Variants in VGLL3 observed in about 807,000 individuals in gnomAD.
VGLL3 encodes the protein transcription cofactor vestigial-like protein 3.
VGLL3 carries 18 observed loss-of-function variants against 29.2 expected under a neutral mutation model. That is an observed-to-expected ratio of 0.62 (90% CI 0.43 to 0.91). The LOEUF is 0.91. Among genes scored for constraint, VGLL3 ranks in the 40% least tolerant of loss-of-function variants. The pLI is 0.00. For missense variants in VGLL3, 440 were observed against 413.2 expected (o/e 1.06, Z -0.56); for synonymous variants, 180 against 151.8 (o/e 1.19, Z -1.36).
At chr3:86,973,021 T>G (rs1166120562) in intron 2 of VGLL3, among the ~76,000 whole-genome samples, 1 of 152,040 alleles carries the variant, frequency 6.6e-6, no homozygotes, top group African/African-American at 2.4e-5. Context: ...TTCTTTCAAT[T>G]TCACAATAGT....
At chr3:86,957,913 A>T (rs1467005450) in intron 3 of VGLL3, among the ~76,000 whole-genome samples, 1 of 151,712 alleles carries the variant, frequency 6.6e-6, no homozygotes, top group East Asian at 1.9e-4. Flanking sequence ...TCCTCCTCAA[A>T]CTCCTATTAG....
At chr3:86,984,000 T>C (rs1705384655) in intron 1 of VGLL3, among the ~76,000 whole-genome samples, 1 of 152,186 alleles carries the variant, frequency 6.6e-6, no homozygotes, top group Non-Finnish European at 1.5e-5. Flanking sequence ...AAAATGTGTC[T>C]CTACGATATT....
At position 86,944,521 on chromosome 3, in the gene VGLL3, G is replaced by C. The variant is rs1246921910; in HGVS notation, c.*2503C>G. The C allele has an allele frequency of 6.6e-6, 1 of 152,428 alleles. No individual in the cohort carries two copies. Among genetic ancestry groups the C allele is most frequent in the African/African-American group, 2.4e-5 (1 of 41,420 alleles). 9.4% of individuals were successfully genotyped at this position (152,428 alleles called of 1,614,324 possible). On this transcript the variant is annotated 3_prime_UTR_variant, in exon 4 of 4. Coordinates refer to ENST00000398399, the MANE Select transcript of VGLL3 (RefSeq NM_016206.4). ...GAGCCTCTGCCTCCTATAATACTAG[G>C]ATTACAGGCATGAGCTGCTGTGCCC...
At chr3:86,972,485 T>C (rs909943579) in intron 2 of VGLL3, among the ~76,000 whole-genome samples, 9 of 152,166 alleles carry the variant, frequency 5.9e-5, no homozygotes, top group African/African-American at 2.2e-4. Context: ...CTTGCTTGTT[T>C]AAGAAAAAAA....
Position 86,968,920 on chromosome 3 carries a change from C to A in VGLL3, c.607G>T (p.Val203Leu). ...AAAGGATAAGGCCAGGACTCAGACA[C>A]AGCAGGGGGAGGGGCTGGGCCAGTC... The part of the protein sequence containing the change: ...HQTGPAPPPA[V>L]SESWPYPLTS... The change falls in exon 3 of 4, where the codon GTG (valine) becomes TTG (leucine). Residue 203 changes from valine to leucine, a missense_variant. Val to Leu is a conservative substitution (Grantham distance 32). Coordinates refer to ENST00000398399, the MANE Select transcript of VGLL3 (RefSeq NM_016206.4). 1 of 1,614,132 alleles carries A rather than the reference C, an allele frequency of 6.2e-7. No homozygotes were observed. Among genetic ancestry groups the A allele is most frequent in the Non-Finnish European group, 8.5e-7 (1 of 1,180,038 alleles).
At chr3:86,950,274 C>T (rs1327437128) in intron 3 of VGLL3, among the ~76,000 whole-genome samples, 1 of 152,112 alleles carries the variant, frequency 6.6e-6, no homozygotes, top group African/African-American at 2.4e-5. Context: ...ATGAAGTGAC[C>T]TAACATTTTC....
At chr3:86,954,903 A>C (rs1704686734) in intron 3 of VGLL3, among the ~76,000 whole-genome samples, 1 of 131,916 alleles carries the variant, frequency 7.6e-6, no homozygotes. Context: ...GAGCAAAACC[A>C]AAAAAAAAAA....
chr3:86,988,697 AGG>A (rs1559736741), intron 1 of VGLL3, among the ~76,000 whole-genome samples: 10,629 of 63,064 alleles, frequency 0.17, 1,378 homozygotes, highest in African/African-American at 0.32. Context: ...AAGAAGAAGA[AGG>A]AGAAGAAAAA....
At chr3:86,960,446 A>T (rs576204180) in intron 3 of VGLL3, among the ~76,000 whole-genome samples, 1 of 152,182 alleles carries the variant, frequency 6.6e-6, no homozygotes, top group South Asian at 2.1e-4. Context: ...CAAAATGGAG[A>T]CCCTCAAACA....
At position 86,978,514 on chromosome 3, in the gene VGLL3, T is replaced by C. The variant is rs1273850033; in HGVS notation, c.403+12A>G. On this transcript the variant is annotated intron_variant, in intron 2 of 3. Transcript: ENST00000398399. ...ACAGTGCCCTGGAGAACATCTGCTT[T>C]TGAATTCTTACCTCGCCATAGGGGG... 7 of 1,612,568 alleles carry C rather than the reference T, an allele frequency of 4.3e-6. No homozygotes were observed. The highest frequency in any genetic ancestry group is 1.7e-4 in the Middle Eastern group (1 of 6,060).
intron 3 of VGLL3, chr3:86,961,799 A>G (rs1198289593): frequency 6.6e-6 from 3 of 456,316 alleles, no homozygotes; most frequent in African/African-American, 2.1e-5. Flanking sequence ...GTTGAAAACT[A>G]TGGCTTCTAT....
intron 3 of VGLL3, 97 bp downstream of exon 3, chr3:86,968,493 A>C: frequency 7.3e-7 from 1 of 1,378,356 alleles, no homozygotes; most frequent in Admixed American, 2.5e-5. Context: ...GTAAAGTTTA[A>C]CTTTACAGAT....
rs1051414084 is a variant in VGLL3, at chr3:86,942,988, T to C, written c.*4036A>G. 2 of 141,224 alleles carry C rather than the reference T, an allele frequency of 1.4e-5. No individual in the cohort carries two copies. The highest frequency in any genetic ancestry group is 4.1e-4 in the East Asian group (2 of 4,912). The allele number at this position is 141,224 out of a possible 1,614,324, so 8.7% of individuals were successfully genotyped here. ...TATTGAACATCTAATATGAGCTACA[T>C]GATTGATCGTGTGTGTGTGTGTCTG... On this transcript the variant is annotated 3_prime_UTR_variant, in exon 4 of 4. Transcript: ENST00000398399.
chr3:86,943,299 A>G lies in VGLL3; in HGVS notation c.*3725T>C, dbSNP rs1433631579. ...AGCAAACACTATTTAAAGAAGGGACACTCAGTAAGGAATAGAATACAGGTT... is the reference window on the plus strand; with the variant it reads ...AGCAAACACTATTTAAAGAAGGGACGCTCAGTAAGGAATAGAATACAGGTT... On this transcript the variant is annotated 3_prime_UTR_variant, in exon 4 of 4. Coordinates refer to ENST00000398399, the MANE Select transcript of VGLL3 (RefSeq NM_016206.4). 1.3e-5 allele frequency: 2 copies of G among 152,190 alleles called. No individual in the cohort carries two copies. Among genetic ancestry groups the G allele is most frequent in the East Asian group, 1.9e-4 (1 of 5,194 alleles). The allele number at this position is 152,190 out of a possible 1,614,324, so 9.4% of individuals were successfully genotyped here. A position where few individuals can be genotyped will look rare whatever the true frequency, so the allele number is the denominator to read the frequency against.
In VGLL3 at chr3:86,990,933, G is replaced by C. The variant is rs1705573655; in HGVS notation, c.-190C>G. The C allele has an allele frequency of 5.5e-6, 6 of 1,089,574 alleles. No individual in the cohort carries two copies. The highest frequency in any genetic ancestry group is 6.7e-6 in the Non-Finnish European group (6 of 895,822). The allele number at this position is 1,089,574 out of a possible 1,614,324, so 67.5% of individuals were successfully genotyped here. ...GGGTCGGGAGGGACTGGCAATCAGC[G>C]GGGGCCCATGCGCGGGCACCTTCAT... On this transcript the variant is annotated 5_prime_UTR_variant, in exon 1 of 4. Coordinates refer to ENST00000398399, the MANE Select transcript of VGLL3 (RefSeq NM_016206.4).
intron 2 of VGLL3, among the ~76,000 whole-genome samples, chr3:86,970,788 A>G (rs1435264076): frequency 6.6e-6 from 1 of 152,130 alleles, no homozygotes; most frequent in Non-Finnish European, 1.5e-5. Context: ...CTAAACAAGC[A>G]CTGGGCTGGG....
chr3:86,983,995 G>A (rs1467514078), intron 1 of VGLL3, among the ~76,000 whole-genome samples: 1 of 152,154 alleles, frequency 6.6e-6, no homozygotes, highest in African/African-American at 2.4e-5. Flanking sequence ...TAAAGAAAAT[G>A]TGTCTCTACG....
chr3:86,966,533 T>C (rs1362967867), intron 3 of VGLL3, among the ~76,000 whole-genome samples: 1 of 151,992 alleles, frequency 6.6e-6, no homozygotes. Flanking sequence ...CCTTCATCTT[T>C]CACTATTAAC....
intron 2 of VGLL3, among the ~76,000 whole-genome samples, chr3:86,977,656 T>C (rs1705237175): frequency 6.6e-6 from 1 of 152,224 alleles, no homozygotes; most frequent in Admixed American, 6.5e-5. Context: ...TCTGCAGGTC[T>C]GGGGTGGAGC....
Sources: allele counts gnomAD v4.1 joint callset (sites outside exome capture counted in the v4.1 genomes callset), GRCh38; gene constraint gnomAD v4.1.1; transcripts MANE v1.5; gene names NCBI Gene and HGNC (gene_info 2026-07-23, HGNC 2026-07-21).